Variants in VWA3B observed in about 807,000 individuals in gnomAD.
VWA3B encodes von Willebrand factor A domain containing 3B.
VWA3B carries 138 observed loss-of-function variants against 158.3 expected under a neutral mutation model. The observed-to-expected ratio is 0.87, with a 90% CI of 0.76 to 1.00. The LOEUF (loss-of-function observed/expected upper bound fraction) is 1.00. Ranked by LOEUF, VWA3B falls within the 50% of genes least tolerant of loss-of-function variation. VWA3B has a pLI of 0.00. For synonymous variants in VWA3B, 596 were observed against 587.3 expected, an observed-to-expected ratio of 1.01 and a Z score of -0.21; for missense variants, 1,555 against 1,565.1, an observed-to-expected ratio of 0.99 and a Z score of 0.11.
chr2:98,172,628 A>G (rs1679693823), intron 8 of VWA3B, among the ~76,000 whole-genome samples: 1 of 152,128 alleles, frequency 6.6e-6, no homozygotes, highest in Non-Finnish European at 1.5e-5. Context: ...CATATCGTTT[A>G]AAGGGACCAG....
intron 26 of VWA3B, among the ~76,000 whole-genome samples, chr2:98,309,710 C>T (rs2106021161): frequency 6.6e-6 from 1 of 152,316 alleles, no homozygotes; most frequent in East Asian, 1.9e-4. Context: ...TTCAGCTCTG[C>T]CTCTGACATT....
intron 19 of VWA3B, 114 bp downstream of exon 19, chr2:98,236,844 GA>G: frequency 2.8e-6 from 4 of 1,410,612 alleles, no homozygotes; most frequent in Non-Finnish European, 3.8e-6. Flanking sequence ...GCCACTGGGG[GA>G]AAAAGTATTT....
At chr2:98,309,817 T>C (rs62155347) in intron 26 of VWA3B, among the ~76,000 whole-genome samples, 1 of 152,162 alleles carries the variant, frequency 6.6e-6, no homozygotes, top group Non-Finnish European at 1.5e-5. Flanking sequence ...AGCCTCTGTA[T>C]GTCATTAGCT....
intron 20 of VWA3B, 77 bp downstream of exon 20, chr2:98,250,513 T>G: frequency 8.3e-7 from 1 of 1,198,816 alleles, no homozygotes; most frequent in East Asian, 2.6e-5. Flanking sequence ...TTGTTTTAGC[T>G]TAGCTTTTTT....
In VWA3B at chr2:98,217,940, T is replaced by G; in HGVS notation, c.1931T>G (p.Phe644Cys). The part of the protein sequence containing the change: ...FNYNDEIANR[F>C]LKEVAALTGG... The stretch of plus-strand genomic sequence containing the variant: ...TACAATGATGAGATTGCAAACAGGT[T>G]TTTGAAAGAGGTTGCTGCTTTGACT... Residue 644 changes from phenylalanine to cysteine, a missense_variant, in exon 14 of 28, where the codon TTT becomes TGT. Coordinates refer to ENST00000477737, the MANE Select transcript of VWA3B (RefSeq NM_144992.5). 1.2e-6 allele frequency: 2 copies of G among 1,613,696 alleles called. No homozygotes were observed. Among genetic ancestry groups the G allele is most frequent in the African/African-American group, 1.3e-5 (1 of 74,960 alleles).
chr2:98,295,866 C>CA (rs1225015742), intron 23 of VWA3B, among the ~76,000 whole-genome samples: 2 of 152,182 alleles, frequency 1.3e-5, no homozygotes, highest in African/African-American at 4.8e-5. Flanking sequence ...TGGGACAGGC[C>CA]AGTCCTGGGC....
rs1688145095 is a variant in VWA3B, at chr2:98,270,701, A to G, written c.2863A>G (p.Ile955Val). ...EKEKLDANKP[I>V]QYLENKTVLN... is the part of the protein sequence containing the mutation. The stretch of plus-strand genomic sequence containing the variant: ...TTTTAGGTTAGATGCAAACAAACCA[A>G]TACAGTACTTGGAAAACAAAACAGT... Residue 955 changes from isoleucine (I) to valine (V), a missense_variant, in exon 22 of 28, where the codon ATA becomes GTA. Transcript: ENST00000477737. 6.2e-7 allele frequency: 1 copy of G among 1,614,008 alleles called. No individual in the cohort carries two copies. Among genetic ancestry groups the G allele is most frequent in the Non-Finnish European group, 8.5e-7 (1 of 1,179,980 alleles).
chr2:98,151,403 C>T (rs1677623238), intron 7 of VWA3B, among the ~76,000 whole-genome samples: 1 of 152,250 alleles, frequency 6.6e-6, no homozygotes, highest in South Asian at 2.1e-4. Context: ...CCGCTTCCAG[C>T]AATCCAGGGT....
chr2:98,134,009 A>G, intron 7 of VWA3B, 70 bp downstream of exon 7: 2 of 1,316,782 alleles, frequency 1.5e-6, no homozygotes, highest in Non-Finnish European at 2.2e-6. Context: ...GATCATTAGG[A>G]AGTAAAGTAC....
At chr2:98,132,857 G>A (rs879711332) in intron 6 of VWA3B, among the ~76,000 whole-genome samples, 3 of 152,202 alleles carry the variant, frequency 2.0e-5, no homozygotes, top group Non-Finnish European at 2.9e-5. Flanking sequence ...TTCCAGTCTC[G>A]CCTGAAACCC....
At chr2:98,230,315 G>T in intron 16 of VWA3B, 108 bp downstream of exon 16, 4 of 1,167,238 alleles carry the variant, frequency 3.4e-6, no homozygotes, top group Non-Finnish European at 4.5e-6. Flanking sequence ...AAACTTGTGG[G>T]TTTTTTAAAT....
chr2:98,243,738 G>C lies in VWA3B; in HGVS notation c.2674-6580G>C, dbSNP rs146545680. Among the ~76,000 whole-genome samples, 164 of 152,330 alleles carry C rather than the reference G, an allele frequency of 1.1e-3. 4 individuals carry two copies. The highest frequency in any genetic ancestry group is 3.9e-3 in the African/African-American group (162 of 41,560). ...TCATTTTGTTCTATGGAGCCTGCAG[G>C]TGTTTCAGTTTGAAAGGCAGACATT... On this transcript the variant is annotated intron_variant, in intron 19 of 27. Transcript: ENST00000477737.
At chr2:98,089,478 C>A (rs1046217760) in intron 1 of VWA3B, among the ~76,000 whole-genome samples, 8 of 151,536 alleles carry the variant, frequency 5.3e-5, no homozygotes, top group Non-Finnish European at 2.9e-5. Context: ...CCGTCTGAGA[C>A]CAACCTGGAG....
chr2:98,169,947 C>T (rs574048128), intron 8 of VWA3B, among the ~76,000 whole-genome samples: 23 of 151,992 alleles, frequency 1.5e-4, no homozygotes, highest in East Asian at 1.9e-4. Flanking sequence ...GGCAAAACCC[C>T]GCCTCAACAA....
the VWA3B span, among the ~76,000 whole-genome samples, chr2:98,328,039 CCTT>C: frequency 7.9e-5 from 12 of 152,112 alleles, no homozygotes; most frequent in African/African-American, 2.9e-4. Context: ...CTCTTGCCCT[CCTT>C]CTGTGGGTGG....
At chr2:98,227,371 T>C (rs915870855) in intron 14 of VWA3B, among the ~76,000 whole-genome samples, 1 of 152,124 alleles carries the variant, frequency 6.6e-6, no homozygotes, top group African/African-American at 2.4e-5. Context: ...ACAAACCACA[T>C]GGTCCAATCA....
intron 20 of VWA3B, among the ~76,000 whole-genome samples, chr2:98,253,615 A>G (rs550353506): frequency 1.3e-5 from 2 of 152,138 alleles, no homozygotes; most frequent in African/African-American, 2.4e-5. Context: ...CTTGGGGACC[A>G]TGCTTAGAAA....
At chr2:98,226,846 C>A (rs1169627108) in intron 14 of VWA3B, among the ~76,000 whole-genome samples, 1 of 152,134 alleles carries the variant, frequency 6.6e-6, no homozygotes, top group African/African-American at 2.4e-5. Flanking sequence ...AATTCAACAT[C>A]CCTTCAGGTT....
chr2:98,207,065 A>G (rs1165996455), intron 12 of VWA3B: 5 of 507,086 alleles, frequency 9.9e-6, no homozygotes, highest in Non-Finnish European at 1.6e-5. Context: ...TTTATTGATA[A>G]TATCTTTCAC....
Sources: gnomAD v4.1 joint callset for allele counts (sites outside exome capture counted in the v4.1 genomes callset) on GRCh38, gnomAD v4.1.1 for gene constraint, MANE v1.5 for transcripts, NCBI Gene and HGNC (gene_info 2026-07-23, HGNC 2026-07-21) for gene names.